The following FAM24B variants were observed in gnomAD, a reference collection of about 807,000 sequenced individuals.
The protein encoded by FAM24B is protein FAM24B.
Under a neutral mutation model 2.3 loss-of-function variants are expected in FAM24B, and 3 were observed. The ratio of observed to expected loss-of-function variants is 1.29; its 90% CI spans 0.59 to 3.32. The LOEUF is 3.32. FAM24B is among the 30% of genes most tolerant of loss of function. The pLI is 0.03. For missense variants in FAM24B, 98 were observed against 117.2 expected (o/e 0.84, Z 0.76); for synonymous variants, 36 against 46.3 (o/e 0.78, Z 0.90).
intron 1 of FAM24B, among the ~76,000 whole-genome samples, chr10:122,866,607 G>C (rs987877428): frequency 6.6e-6 from 1 of 151,822 alleles, no homozygotes; most frequent in Non-Finnish European, 1.5e-5. Flanking sequence ...TCAAACTTTT[G>C]CTTTATTATT....
intron 1 of FAM24B, among the ~76,000 whole-genome samples, chr10:122,875,842 A>C (rs914486942): frequency 6.6e-6 from 1 of 152,212 alleles, no homozygotes; most frequent in Non-Finnish European, 1.5e-5. Flanking sequence ...CTAAGAGGCA[A>C]AATGGCAGAG....
intron 1 of FAM24B, among the ~76,000 whole-genome samples, chr10:122,870,313 A>G (rs1430570794): frequency 6.6e-6 from 1 of 152,146 alleles, no homozygotes; most frequent in Non-Finnish European, 1.5e-5. Flanking sequence ...CAACCAAAAA[A>G]AGTCCAGGAC....
At chr10:122,865,038 T>C (rs1388858406) in intron 1 of FAM24B, among the ~76,000 whole-genome samples, 1 of 152,216 alleles carries the variant, frequency 6.6e-6, no homozygotes, top group Non-Finnish European at 1.5e-5. Context: ...ATATGCAGGT[T>C]TTTGTGTACC....
At chr10:122,857,560 G>A (rs1181578134) in intron 1 of FAM24B, among the ~76,000 whole-genome samples, 1 of 152,096 alleles carries the variant, frequency 6.6e-6, no homozygotes, top group Non-Finnish European at 1.5e-5. Flanking sequence ...ATTCAAATAC[G>A]TTTATAAAAC....
In FAM24B at chr10:122,850,568, A is replaced by G; in HGVS notation, c.-35-18T>C. ...CGATGTACCTAGGCAGATAAGTGCA[A>G]GCAAGCACTGAGCCCACGTGGTCTC... On this transcript the variant is annotated intron_variant, in intron 2 of 3. Coordinates refer to ENST00000368898, the MANE Select transcript of FAM24B (RefSeq NM_152644.3). The G allele has an allele frequency of 7.5e-7, 1 of 1,326,700 alleles. No individual in the cohort carries two copies. Among genetic ancestry groups the G allele is most frequent in the Non-Finnish European group, 1.1e-6 (1 of 917,174 alleles). The allele number at this position is 1,326,700 out of a possible 1,614,324, so 82.2% of individuals were successfully genotyped here.
intron 1 of FAM24B, among the ~76,000 whole-genome samples, chr10:122,862,642 G>C (rs540740952): frequency 3.3e-5 from 5 of 151,922 alleles, no homozygotes; most frequent in Admixed American, 1.3e-4. Context: ...TAAGCAAAAT[G>C]GTTCCTGCAT....
At chr10:122,872,920 A>G (rs565755465) in intron 1 of FAM24B, among the ~76,000 whole-genome samples, 3 of 152,310 alleles carry the variant, frequency 2.0e-5, no homozygotes, top group Non-Finnish European at 4.4e-5. Flanking sequence ...CATGTACCCT[A>G]AAACTTAAAG....
In FAM24B at chr10:122,849,378, C is replaced by G; in HGVS notation, c.154G>C (p.Ala52Pro). 6.2e-7 allele frequency: 1 copy of G among 1,613,384 alleles called. No individual in the cohort carries two copies. The highest frequency in any genetic ancestry group is 8.5e-7 in the Non-Finnish European group (1 of 1,179,678). Residue 52 changes from alanine to proline, a missense_variant, in exon 4 of 4, where the codon GCC becomes CCC. Ala to Pro is a conservative substitution (Grantham distance 27). Coordinates refer to ENST00000368898, the MANE Select transcript of FAM24B (RefSeq NM_152644.3). ...KNHNPDKVWWAKNSQAKTIAT... is the reference protein window; with the variant it reads ...KNHNPDKVWWPKNSQAKTIAT... ...ATGGTTTTGGCCTGGCTGTTCTTGG[C>G]CCACCACACCTTGTCTGGGTTGTGA...
intron 1 of FAM24B, among the ~76,000 whole-genome samples, chr10:122,869,642 G>A (rs192057404): frequency 0.02 from 3,042 of 152,068 alleles, 89 homozygotes; most frequent in African/African-American, 0.07. Context: ...ACTCAAAAGC[G>A]CTCAACTACA....
At chr10:122,879,105 G>A (rs1326323423) in intron 1 of FAM24B, among the ~76,000 whole-genome samples, 3 of 152,142 alleles carry the variant, frequency 2.0e-5, no homozygotes, top group African/African-American at 4.8e-5. Context: ...TCAGGCGACC[G>A]CTCCATCCAA....
intron 1 of FAM24B, among the ~76,000 whole-genome samples, chr10:122,866,105 T>C (rs1847800736): frequency 6.6e-6 from 1 of 152,108 alleles, no homozygotes; most frequent in Admixed American, 6.5e-5. Flanking sequence ...TTTCACCATG[T>C]TGGCCAGGCT....
intron 2 of FAM24B, chr10:122,850,849 G>A (rs1000127218): frequency 3.1e-5 from 8 of 258,498 alleles, no homozygotes; most frequent in South Asian, 1.6e-4. Context: ...TGTGATATGC[G>A]GCTGGAAATA....
intron 1 of FAM24B, among the ~76,000 whole-genome samples, chr10:122,857,865 C>G (rs931263009): frequency 6.6e-6 from 1 of 152,178 alleles, no homozygotes; most frequent in Non-Finnish European, 1.5e-5. Flanking sequence ...TATCAGTTTA[C>G]TTTTATGTCC....
At chr10:122,863,724 G>A (rs968505606) in intron 1 of FAM24B, among the ~76,000 whole-genome samples, 6 of 152,300 alleles carry the variant, frequency 3.9e-5, no homozygotes, top group South Asian at 2.1e-4. Context: ...ATCCATAGGC[G>A]TAGCCTCAGA....
At chr10:122,857,426 G>A (rs1847659241) in intron 1 of FAM24B, among the ~76,000 whole-genome samples, 1 of 152,178 alleles carries the variant, frequency 6.6e-6, no homozygotes, top group African/African-American at 2.4e-5. Context: ...AAGCCAACGA[G>A]CTTTGCTGCA....
chr10:122,874,021 G>A (rs1032692625), intron 1 of FAM24B, among the ~76,000 whole-genome samples: 2 of 152,152 alleles, frequency 1.3e-5, no homozygotes, highest in African/African-American at 4.8e-5. Flanking sequence ...GTTAAGGGGT[G>A]TTTTATGGCC....
At chr10:122,860,167 A>C (rs1847705410) in intron 1 of FAM24B, among the ~76,000 whole-genome samples, 1 of 152,184 alleles carries the variant, frequency 6.6e-6, no homozygotes, top group Admixed American at 6.6e-5. Flanking sequence ...ATCACCTTAA[A>C]AAGTTCCCTT....
In FAM24B at chr10:122,849,443, G is replaced by C; in HGVS notation, c.93-4C>G. ...AGCTTCAGGTTCCTTTGCAGCTCTTGAGAAAAGACACACACAAAGCACAGG... is the reference window on the plus strand; with the variant it reads ...AGCTTCAGGTTCCTTTGCAGCTCTTCAGAAAAGACACACACAAAGCACAGG... On this transcript the variant is annotated splice_region_variant and splice_polypyrimidine_tract_variant and intron_variant, in intron 3 of 3. Coordinates refer to ENST00000368898, the MANE Select transcript of FAM24B (RefSeq NM_152644.3). The C allele has an allele frequency of 6.2e-7, 1 of 1,604,510 alleles. No individual in the cohort carries two copies. The highest frequency in any genetic ancestry group is 8.5e-7 in the Non-Finnish European group (1 of 1,175,314).
At chr10:122,849,763 G>A (rs1847496403) in intron 3 of FAM24B, among the ~76,000 whole-genome samples, 1 of 151,852 alleles carries the variant, frequency 6.6e-6, no homozygotes, top group Non-Finnish European at 1.5e-5. Context: ...TCCGGGATGT[G>A]CCATTGTGAA....
Sources: allele counts gnomAD v4.1 joint callset (sites outside exome capture counted in the v4.1 genomes callset), GRCh38; gene constraint gnomAD v4.1.1; transcripts MANE v1.5; gene names NCBI Gene and HGNC (gene_info 2026-07-23, HGNC 2026-07-21).